Variants in DIPK1B observed in about 807,000 individuals in gnomAD.
The protein encoded by DIPK1B is divergent protein kinase domain 1B, also known as family with sequence similarity 69 member B.
A neutral mutation model predicts 20.7 loss-of-function variants in DIPK1B; 17 were observed. The observed-to-expected ratio is 0.82, with a 90% confidence interval of 0.56 to 1.23. DIPK1B has a LOEUF of 1.23. Among genes scored for constraint, DIPK1B ranks in the 50% most tolerant of loss-of-function variants. The pLI, the probability that DIPK1B is intolerant of heterozygous loss-of-function variation, is 0.00. For synonymous variants in DIPK1B, 343 were observed against 276.5 expected (o/e 1.24, Z -2.39); for missense variants, 648 against 601.8 (o/e 1.08, Z -0.80).
At position 136,715,164 on chromosome 9, in the gene DIPK1B, T is replaced by C. The variant is rs531095286; in HGVS notation, c.64-2413T>C. ...TGCTTGGAGCCAGCAGTGGGGCCTC[T>C]CTGAGGGGAAGCTGGCCCCCAAGCC... On this transcript the variant is annotated intron_variant, in intron 1 of 4. Coordinates refer to ENST00000371692, the MANE Select transcript of DIPK1B (RefSeq NM_152421.4). Among the ~76,000 whole-genome samples the C allele has an allele frequency of 3.9e-4, 59 of 152,244 alleles. 1 individual carries two copies. The South Asian group carries it at 0.011, about 29-fold the overall frequency.
chr9:136,717,789 A>T (rs1459366952), intron 2 of DIPK1B, 78 bp downstream of exon 2: 2 of 1,587,368 alleles, frequency 1.3e-6, no homozygotes, highest in Non-Finnish European at 8.6e-7. Context: ...GGCCCTGGAG[A>T]CACCTTCCTC....
chr9:136,722,145 G>C lies in DIPK1B; in HGVS notation c.327G>C (p.Arg109=). 1 of 1,614,034 alleles carries C rather than the reference G, an allele frequency of 6.2e-7. No homozygotes were observed. Residue 109 remains arginine (R), a synonymous_variant, in exon 4 of 5, where the codon CGG becomes CGC. Coordinates refer to ENST00000371692, the MANE Select transcript of DIPK1B (RefSeq NM_152421.4). ...TCCAGGTGTACAGCGGGCTCTGGCG[G>C]GACAAGGATGTAACCATCAAGTGTG... The part of the protein sequence containing the change: ...PGQQVYSGLW[R]DKDVTIKCGI...
intron 2 of DIPK1B, 119 bp downstream of exon 2, chr9:136,717,830 T>C (rs1377718963): frequency 2.3e-5 from 34 of 1,471,852 alleles, no homozygotes; most frequent in African/African-American, 4.2e-5. Flanking sequence ...GGCACGTGGG[T>C]TTCTAGGTGG....
chr9:136,719,319 T>C (rs945445379), intron 2 of DIPK1B, among the ~76,000 whole-genome samples: 1 of 152,156 alleles, frequency 6.6e-6, no homozygotes, highest in Admixed American at 6.5e-5. Context: ...TTTCCCTGGC[T>C]GCTCAGAGCC....
rs2131049931 is a variant in DIPK1B at position 136,723,566 on chromosome 9, A to G, written c.1088A>G (p.Gln363Arg). ...LMRQCKGDLI[Q>R]PNLAKVCALL... The stretch of plus-strand genomic sequence containing the variant: ...AGGCAGTGCAAGGGCGACCTCATCC[A>G]GCCCAACCTGGCCAAGGTGTGCGCA... The change falls in exon 5 of 5, where the codon CAG (glutamine) becomes CGG (arginine). Residue 363 changes from glutamine (Q) to arginine (R), a missense_variant. By Grantham distance (43) the Gln-to-Arg change is conservative. Coordinates refer to ENST00000371692, the MANE Select transcript of DIPK1B (RefSeq NM_152421.4). 1 of 1,598,330 alleles carries G rather than the reference A, an allele frequency of 6.3e-7. No individual in the cohort carries two copies. Among genetic ancestry groups the G allele is most frequent in the Admixed American group, 1.7e-5 (1 of 57,916 alleles).
Position 136,715,576 on chromosome 9 carries a change from G to A in DIPK1B, c.64-2001G>A, listed in dbSNP as rs185708628. Among the ~76,000 whole-genome samples, 15 of 151,534 alleles carry A rather than the reference G, an allele frequency of 9.9e-5. No individual in the cohort carries two copies. The East Asian group carries it at 2.9e-3, about 29-fold the overall frequency. ...GTCGCCCAGGCTGGAGTGCAATGGC[G>A]CCATCTCAGCTCACCACAACCTCTG... On this transcript the variant is annotated intron_variant, in intron 1 of 4. Coordinates refer to ENST00000371692, the MANE Select transcript of DIPK1B (RefSeq NM_152421.4).
intron 1 of DIPK1B, among the ~76,000 whole-genome samples, chr9:136,713,497 T>TC (rs1419168652): frequency 6.6e-6 from 1 of 152,166 alleles, no homozygotes; most frequent in Non-Finnish European, 1.5e-5. Context: ...TGGCCTCAGC[T>TC]CCCCTTCTGG....
chr9:136,714,530 C>T (rs1460736510), intron 1 of DIPK1B, among the ~76,000 whole-genome samples: 1 of 152,208 alleles, frequency 6.6e-6, no homozygotes, highest in African/African-American at 2.4e-5. Flanking sequence ...GAGGCCCCGC[C>T]CATGCTGGGC....
chr9:136,720,516 C>T (rs1330856432), intron 2 of DIPK1B, among the ~76,000 whole-genome samples: 2 of 152,164 alleles, frequency 1.3e-5, no homozygotes, highest in Non-Finnish European at 2.9e-5. Context: ...CATCACCTCC[C>T]GTGGGGCGCT....
In DIPK1B at chr9:136,718,450, CAT is replaced by C. The variant is rs561314493; in HGVS notation, c.198+740_198+741del. On this transcript the variant is annotated intron_variant, in intron 2 of 4. Transcript: ENST00000371692. ...GTGTGTCTGGGAGCAAACGTGTCCACATGAGTGCACACCAAGGTGACCCCCTG... is the reference window on the plus strand; with the variant it reads ...GTGTGTCTGGGAGCAAACGTGTCCACGAGTGCACACCAAGGTGACCCCCTG... Among the ~76,000 whole-genome samples the C allele has an allele frequency of 2.9e-3, 435 of 152,298 alleles. 3 individuals are homozygous for C. The highest frequency in any genetic ancestry group is 0.01 in the African/African-American group (421 of 41,552).
Position 136,724,452 on chromosome 9 carries a change from G to T in DIPK1B, c.*678G>T, listed in dbSNP as rs560017473. Among the ~76,000 whole-genome samples, 3 of 152,114 alleles carry T rather than the reference G, an allele frequency of 2.0e-5. 1 individual carries two copies. In the East Asian group the frequency reaches 5.8e-4, roughly 29 times the overall value. ...AGGAATGGCCATCTTCTCCAGCCCC[G>T]TACGCTCTCCCCAGTAGCCCAGGGC... On this transcript the variant is annotated 3_prime_UTR_variant, in exon 5 of 5. Transcript: ENST00000371692.
intron 2 of DIPK1B, among the ~76,000 whole-genome samples, chr9:136,720,631 G>A (rs770810968): frequency 9.9e-5 from 15 of 152,210 alleles, no homozygotes; most frequent in African/African-American, 3.1e-4. Context: ...TCTCCCTGGG[G>A]GTCTGGCTAA....
Position 136,723,697 on chromosome 9 carries a change from G to A in DIPK1B, c.1219G>A (p.Glu407Lys). Residue 407 changes from glutamate (E) to lysine (K), a missense_variant, in exon 5 of 5, where the codon GAG becomes AAG. Glu to Lys is a moderately conservative substitution (Grantham distance 56). Transcript: ENST00000371692. ...TTLSGLASQV[E>K]AHHSLVLSHL... ...GCTGAGCGGGCTGGCCAGCCAGGTG[G>A]AGGCCCATCACTCGCTGGTGCTCAG... 1.3e-6 allele frequency: 2 copies of A among 1,539,708 alleles called. No homozygotes were observed. Among genetic ancestry groups the A allele is most frequent in the Non-Finnish European group, 1.7e-6 (2 of 1,147,482 alleles).
At chr9:136,722,939 T>C (rs1163848809) in intron 4 of DIPK1B, 23 bp from the exon 5 acceptor site, 3 of 1,581,030 alleles carry the variant, frequency 1.9e-6, no homozygotes, top group South Asian at 2.3e-5. Flanking sequence ...TGGCTTTTCC[T>C]TTCTTTTGGT....
At chr9:136,722,544 A>G (rs532780287) in intron 4 of DIPK1B, 26 of 589,872 alleles carry the variant, frequency 4.4e-5, no homozygotes, top group Non-Finnish European at 6.9e-5. Flanking sequence ...AGGCTCCTGC[A>G]GTCAAGGGCC....
Position 136,723,162 on chromosome 9 carries a change from CT to C in DIPK1B, c.685del (p.Tyr229ThrfsTer126). ...GACTGCTGGGCTACTGTGGGGACCT[CT>C]ACCTCACCGAGGGCGTGCCGCATGG... ...SRLLGYCGDLYLTEGVPHGAW... is the reference protein window; with the variant it reads ...SRLLGYCGDLXLTEGVPHGAW... On this transcript the variant is annotated frameshift_variant, in exon 5 of 5. Coordinates refer to ENST00000371692, the MANE Select transcript of DIPK1B (RefSeq NM_152421.4). LOFTEE classifies it low-confidence loss of function (END_TRUNC). 1 of 1,613,334 alleles carries C rather than the reference CT, an allele frequency of 6.2e-7. No individual in the cohort carries two copies. Among genetic ancestry groups the C allele is most frequent in the Non-Finnish European group, 8.5e-7 (1 of 1,179,970 alleles).
At position 136,712,672 on chromosome 9, in the gene DIPK1B, C is replaced by T; in HGVS notation, c.7C>T (p.Arg3Trp). 4 of 1,298,832 alleles carry T rather than the reference C, an allele frequency of 3.1e-6. No homozygotes were observed. Among genetic ancestry groups the T allele is most frequent in the Non-Finnish European group, 3.9e-6 (4 of 1,022,924 alleles). The allele number at this position is 1,298,832 out of a possible 1,614,324, so 80.5% of individuals were successfully genotyped here. The change falls in exon 1 of 5, where the codon CGG becomes TGG. Residue 3 changes from arginine to tryptophan, a missense_variant. By Grantham distance (101) the Arg-to-Trp change is moderately radical. Transcript: ENST00000371692. The surrounding 1 kb of genome is among the most constrained non-coding windows in gnomAD (Gnocchi z 5.6). MR[R>W]LRRLAHLVLF... ...GCCCCGGCCGGAGCCCACCATGCGG[C>T]GGCTGCGGCGCCTGGCGCACCTGGT...
intron 1 of DIPK1B, among the ~76,000 whole-genome samples, chr9:136,713,569 G>A (rs1381025151): frequency 1.3e-5 from 2 of 152,222 alleles, no homozygotes; most frequent in Non-Finnish European, 2.9e-5. Context: ...CCCACTTGGG[G>A]CTTCAGGTTG....
chr9:136,712,901 G>T lies in DIPK1B; in HGVS notation c.63+173G>T, dbSNP rs940777702. On this transcript the variant is annotated intron_variant, in intron 1 of 4. Transcript: ENST00000371692. The surrounding 1 kb of genome is among the most constrained non-coding windows in gnomAD (Gnocchi z 5.6). Reference sequence around the variant, plus strand: ...GTGGCTCCGGAAGGACGGGACGCTGGGGGAGGGGCGGTGGCGGCGACAGGA... The same window carrying T: ...GTGGCTCCGGAAGGACGGGACGCTGTGGGAGGGGCGGTGGCGGCGACAGGA... Among the ~76,000 whole-genome samples, 39 of 152,246 alleles carry T rather than the reference G, an allele frequency of 2.6e-4. No homozygotes were observed. The highest frequency in any genetic ancestry group is 5.0e-4 in the Non-Finnish European group (34 of 67,968).
Sources: allele counts gnomAD v4.1 joint callset (sites outside exome capture counted in the v4.1 genomes callset), GRCh38; gene constraint gnomAD v4.1.1; non-coding constraint Gnocchi (gnomAD v3.1); transcripts MANE v1.5; gene names NCBI Gene and HGNC (gene_info 2026-07-23, HGNC 2026-07-21).